ARID2: variants seen among roughly 807,000 people sequenced by gnomAD.
ARID2 encodes the protein AT-rich interactive domain-containing protein 2.
ARID2 carries 32 observed loss-of-function variants against 184.6 expected under a neutral mutation model. The ratio of observed to expected loss-of-function variants is 0.17; its 90% confidence interval spans 0.13 to 0.23. The LOEUF (loss-of-function observed/expected upper bound fraction) is 0.23, where lower values mean the gene tolerates loss of function less well. Ranked by LOEUF, ARID2 falls within the 10% of genes least tolerant of loss-of-function variation. The probability of loss-of-function intolerance (pLI) is 1.00; values close to 1 mark genes in which losing one functional copy is unlikely to be tolerated. For missense variants in ARID2, 1,696 were observed against 2,197.6 expected (o/e 0.77, Z 4.56); for synonymous variants, 836 against 772.6 (o/e 1.08, Z -1.36).
chr12:45,881,960 T>TC (rs1944111338), intron 16 of ARID2: 1 of 191,458 alleles, frequency 5.2e-6, no homozygotes, highest in Non-Finnish European at 1.1e-5. Flanking sequence ...GCTGAGGAAC[T>TC]CCAAGTGGCA....
In ARID2 at chr12:45,776,629, T is replaced by A. The variant is rs192768004; in HGVS notation, c.285-34789T>A. Among the ~76,000 whole-genome samples the A allele has an allele frequency of 1.7e-3, 257 of 152,280 alleles. 3 individuals carry two copies. Among genetic ancestry groups the A allele is most frequent in the South Asian group, 1.0e-3 (5 of 4,824 alleles). On this transcript the variant is annotated intron_variant, in intron 3 of 20. Coordinates refer to ENST00000334344, the MANE Select transcript of ARID2 (RefSeq NM_152641.4). ...GAGACATGAAATCAAAGGATTTTTT[T>A]AAAAATTCACATGCTTCTATAGAAA...
intron 4 of ARID2, among the ~76,000 whole-genome samples, chr12:45,812,364 A>T (rs913970513): frequency 7.9e-5 from 12 of 152,084 alleles, no homozygotes; most frequent in African/African-American, 2.9e-4. Flanking sequence ...GACTATCATC[A>T]GTATCATCAA....
In ARID2 at chr12:45,812,942, A is replaced by G. The variant is rs552627092; in HGVS notation, c.418+1391A>G. Reference sequence around the variant, plus strand: ...CTATGTTTGGTCTTGTTTAAAATAGATTTTTTTCCTGAATCTGTTTTTTCC... The same window carrying G: ...CTATGTTTGGTCTTGTTTAAAATAGGTTTTTTTCCTGAATCTGTTTTTTCC... On this transcript the variant is annotated intron_variant, in intron 4 of 20. Coordinates refer to ENST00000334344, the MANE Select transcript of ARID2 (RefSeq NM_152641.4). Among the ~76,000 whole-genome samples the G allele has an allele frequency of 5.3e-5, 8 of 152,148 alleles. No homozygotes were observed. In the East Asian group the frequency reaches 1.2e-3, roughly 22 times the overall value.
chr12:45,781,204 C>G (rs1009143185), intron 3 of ARID2, among the ~76,000 whole-genome samples: 1 of 149,930 alleles, frequency 6.7e-6, no homozygotes, highest in Non-Finnish European at 1.5e-5. Context: ...CTAGCTTAGA[C>G]TCTAGCTAAG....
chr12:45,837,089 C>G (rs2138129362), intron 8 of ARID2, 98 bp downstream of exon 8: 1 of 1,423,442 alleles, frequency 7.0e-7, no homozygotes, highest in Non-Finnish European at 9.4e-7. Flanking sequence ...TATTTATAGA[C>G]TATTAAATGC....
intron 5 of ARID2, among the ~76,000 whole-genome samples, chr12:45,819,454 G>C (rs542750237): frequency 2.0e-4 from 31 of 152,194 alleles, no homozygotes; most frequent in African/African-American, 6.5e-4. Context: ...TAAAACAATA[G>C]TTTTATATGA....
chr12:45,837,136 G>T, intron 8 of ARID2, 145 bp downstream of exon 8: 1 of 1,219,454 alleles, frequency 8.2e-7, no homozygotes, highest in East Asian at 2.4e-5. Context: ...TGATGTAGAA[G>T]TATCACATAC....
intron 20 of ARID2, among the ~76,000 whole-genome samples, chr12:45,897,240 T>G (rs1216234467): frequency 3.9e-5 from 6 of 152,178 alleles, no homozygotes; most frequent in Non-Finnish European, 7.3e-5. Context: ...ATCAAAACAA[T>G]GAAGTTGGAC....
rs371267186 is a variant in ARID2 at position 45,851,736 on chromosome 12, G to A, written c.3613G>A (p.Gly1205Arg). 5 of 1,613,988 alleles carry A rather than the reference G, an allele frequency of 3.1e-6. No individual in the cohort carries two copies. Among genetic ancestry groups the A allele is most frequent in the East Asian group, 4.5e-5 (2 of 44,886 alleles). The change falls in exon 15 of 21, where the codon GGA (glycine) becomes AGA (arginine). Residue 1205 changes from glycine (G) to arginine (R), a missense_variant. Gly to Arg is a moderately radical substitution (Grantham distance 125). Coordinates refer to ENST00000334344, the MANE Select transcript of ARID2 (RefSeq NM_152641.4). ...TGCTCCAGCAGGAATTACCATGAGC[G>A]GAACGCAGACAGGAGTTGGACTTCC... is the stretch of plus-strand genomic sequence containing the variant. The part of the protein sequence containing the change: ...LIAPAGITMS[G>R]TQTGVGLPVQ...
intron 15 of ARID2, among the ~76,000 whole-genome samples, chr12:45,857,498 T>C (rs958127054): frequency 6.6e-6 from 1 of 152,230 alleles, no homozygotes; most frequent in East Asian, 1.9e-4. Context: ...TAATGTGTTC[T>C]TATAAAGTAG....
At position 45,731,326 on chromosome 12, in the gene ARID2, T is replaced by C. The variant is rs1416414196; in HGVS notation, c.284+12T>C. On this transcript the variant is annotated intron_variant, in intron 3 of 20. Transcript: ENST00000334344. ...CAGTATTACTTGCGGTGAGTAGTAG[T>C]GACTTTTCCATAGTATTTGGAAATA... 2 of 1,593,598 alleles carry C rather than the reference T, an allele frequency of 1.3e-6. No individual in the cohort carries two copies. The highest frequency in any genetic ancestry group is 1.7e-6 in the Non-Finnish European group (2 of 1,161,634).
chr12:45,739,412 T>C (rs543573878), intron 3 of ARID2, among the ~76,000 whole-genome samples: 26 of 149,776 alleles, frequency 1.7e-4, no homozygotes, highest in African/African-American at 6.1e-4. Flanking sequence ...AAAACTACCA[T>C]ATAATTGGGA....
intron 16 of ARID2, among the ~76,000 whole-genome samples, chr12:45,864,858 G>A (rs1249274266): frequency 6.6e-6 from 1 of 152,122 alleles, no homozygotes; most frequent in African/African-American, 2.4e-5. Flanking sequence ...CTACAGGAAA[G>A]GCAAGATAGA....
At chr12:45,902,857 A>G (rs1944476982) in intron 20 of ARID2, among the ~76,000 whole-genome samples, 1 of 152,212 alleles carries the variant, frequency 6.6e-6, no homozygotes, top group African/African-American at 2.4e-5. Context: ...TTTCTTTTCC[A>G]GAAAGATCTT....
intron 3 of ARID2, among the ~76,000 whole-genome samples, chr12:45,794,998 A>G (rs1942362624): frequency 6.6e-6 from 1 of 151,242 alleles, no homozygotes; most frequent in African/African-American, 2.4e-5. Context: ...TCTAAAACAT[A>G]CTATCTTGTA....
At chr12:45,903,754 C>T (rs1462302469) in intron 20 of ARID2, among the ~76,000 whole-genome samples, 3 of 152,112 alleles carry the variant, frequency 2.0e-5, no homozygotes, top group South Asian at 4.2e-4. Context: ...TCAAAATGTA[C>T]GTGTCTTCAT....
chr12:45,804,463 G>A (rs953252093), intron 3 of ARID2, among the ~76,000 whole-genome samples: 3 of 151,260 alleles, frequency 2.0e-5, no homozygotes, highest in African/African-American at 7.3e-5. Flanking sequence ...GAGTAAATTA[G>A]TTTTTCTAGT....
At chr12:45,870,769 GTCTTCT>G (rs1229773155) in intron 16 of ARID2, among the ~76,000 whole-genome samples, 1 of 152,062 alleles carries the variant, frequency 6.6e-6, no homozygotes, top group African/African-American at 2.4e-5. Context: ...TTTTCTCCAT[GTCTTCT>G]TATTGTTGGA....
chr12:45,830,391 A>T (rs548500190), intron 6 of ARID2, among the ~76,000 whole-genome samples: 1 of 152,274 alleles, frequency 6.6e-6, no homozygotes, highest in East Asian at 1.9e-4. Flanking sequence ...AACCAAATCA[A>T]TGGAGATTGG....
Sources: allele counts gnomAD v4.1 joint callset (sites outside exome capture counted in the v4.1 genomes callset), GRCh38; gene constraint gnomAD v4.1.1; transcripts MANE v1.5; gene names NCBI Gene and HGNC (gene_info 2026-07-23, HGNC 2026-07-21).